Variants in TMTC2 observed in about 807,000 individuals in gnomAD.
TMTC2 encodes transmembrane O-mannosyltransferase targeting cadherins 2, also known as protein O-mannosyl-transferase TMTC2.
A neutral mutation model predicts 82.4 loss-of-function variants in TMTC2; 43 were observed. The observed-to-expected ratio is 0.52, with a 90% CI of 0.41 to 0.67. The LOEUF is 0.67. TMTC2 is among the 30% of genes least tolerant of loss of function. The probability of loss-of-function intolerance (pLI) is 0.00; values close to 1 mark genes in which losing one functional copy is unlikely to be tolerated. For synonymous variants in TMTC2, 408 were observed against 381.9 expected, an observed-to-expected ratio of 1.07 and a Z score of -0.80; for missense variants, 919 against 1,012.4, an observed-to-expected ratio of 0.91 and a Z score of 1.25.
rs1013016554 is a variant in TMTC2, at chr12:82,877,594, T to C, written c.655-18224T>C. ...CTGTCTCCTCTTTCTCCCTCTCTCA[T>C]TTCCTCCCCTTACCTGTCCCTCTTT... is the stretch of plus-strand genomic sequence containing the variant. On this transcript the variant is annotated intron_variant, in intron 2 of 11. Transcript: ENST00000321196. 3.9e-4 allele frequency among the ~76,000 whole-genome samples: 60 copies of C among 152,250 alleles called. 1 individual carries two copies. The highest frequency in any genetic ancestry group is 1.4e-3 in the African/African-American group (57 of 41,560).
At chr12:82,878,443 G>A (rs187586295) in intron 2 of TMTC2, among the ~76,000 whole-genome samples, 5 of 152,320 alleles carry the variant, frequency 3.3e-5, no homozygotes, top group South Asian at 2.1e-4. Flanking sequence ...CTGAATTGTT[G>A]TTGCAAGTCT....
At chr12:83,033,284 A>G (rs865865189) in intron 9 of TMTC2, among the ~76,000 whole-genome samples, 3 of 152,200 alleles carry the variant, frequency 2.0e-5, no homozygotes, top group Non-Finnish European at 4.4e-5. Flanking sequence ...AGAGGGATCT[A>G]TTTCAAAGGA....
chr12:82,856,951 A>G, intron 1 of TMTC2, 59 bp from the exon 2 acceptor site: 1 of 1,482,164 alleles, frequency 6.7e-7, no homozygotes, highest in Non-Finnish European at 9.1e-7. Context: ...TATCAATGTC[A>G]TATTTTTTCT....
At chr12:82,918,914 C>T (rs964469283) in intron 3 of TMTC2, among the ~76,000 whole-genome samples, 8 of 152,014 alleles carry the variant, frequency 5.3e-5, no homozygotes, top group East Asian at 3.9e-4. Context: ...CCTGCCACCA[C>T]GCCTGGCTAA....
chr12:83,101,443 G>A (rs1884211311), intron 11 of TMTC2, among the ~76,000 whole-genome samples: 1 of 152,154 alleles, frequency 6.6e-6, no homozygotes. Context: ...GCATCTCTCA[G>A]TAACTCTGTC....
At chr12:82,781,506 C>T (rs1374122768) in intron 1 of TMTC2, among the ~76,000 whole-genome samples, 2 of 150,704 alleles carry the variant, frequency 1.3e-5, no homozygotes, top group South Asian at 2.1e-4. Context: ...GGGAGAAAAC[C>T]GCTGTCCATC....
At chr12:82,726,756 G>A (rs1170015389) in intron 1 of TMTC2, among the ~76,000 whole-genome samples, 1 of 151,822 alleles carries the variant, frequency 6.6e-6, no homozygotes, top group Non-Finnish European at 1.5e-5. Flanking sequence ...GTGGGCGCCT[G>A]TAGTCCCAGC....
chr12:82,756,182 T>C (rs1398191018), intron 1 of TMTC2, among the ~76,000 whole-genome samples: 1 of 152,232 alleles, frequency 6.6e-6, no homozygotes. Flanking sequence ...CTTCTTGAGT[T>C]GGATACTTAG....
In TMTC2 at chr12:82,919,229, A is replaced by G. The variant is rs540041258; in HGVS notation, c.1484-11202A>G. On this transcript the variant is annotated intron_variant, in intron 3 of 11. Coordinates refer to ENST00000321196, the MANE Select transcript of TMTC2 (RefSeq NM_152588.3). ...AGCATGAGGGGCTGGGCTTGCTTTT[A>G]TAACAGTTCACTCTAGTGAAAACTG... Among the ~76,000 whole-genome samples the G allele has an allele frequency of 6.6e-5, 10 of 152,332 alleles. No homozygotes were observed. The East Asian group carries it at 1.7e-3, about 26-fold the overall frequency.
chr12:82,705,483 T>G (rs932204919), intron 1 of TMTC2, among the ~76,000 whole-genome samples: 9 of 152,190 alleles, frequency 5.9e-5, no homozygotes, highest in African/African-American at 1.4e-4. Flanking sequence ...CCAGAAGTAA[T>G]GGAAGGAAAG....
At chr12:82,750,775 T>C (rs1372697615) in intron 1 of TMTC2, among the ~76,000 whole-genome samples, 2 of 152,182 alleles carry the variant, frequency 1.3e-5, no homozygotes, top group African/African-American at 2.4e-5. Flanking sequence ...GAATATAAGC[T>C]GTATGAGTGT....
At chr12:83,029,938 G>A (rs956513047) in intron 8 of TMTC2, among the ~76,000 whole-genome samples, 2 of 152,178 alleles carry the variant, frequency 1.3e-5, no homozygotes, top group Non-Finnish European at 2.9e-5. Context: ...CAAAGAAAGT[G>A]ACCTAGCTTT....
At chr12:82,944,294 T>C (rs1876872962) in intron 4 of TMTC2, among the ~76,000 whole-genome samples, 1 of 151,496 alleles carries the variant, frequency 6.6e-6, no homozygotes, top group South Asian at 2.1e-4. Context: ...ATAGAAAAAA[T>C]AGAACCCTGG....
intron 11 of TMTC2, among the ~76,000 whole-genome samples, chr12:83,096,135 T>C (rs941198096): frequency 6.6e-6 from 1 of 152,270 alleles, no homozygotes; most frequent in Non-Finnish European, 1.5e-5. Flanking sequence ...AGTTTGTTTA[T>C]AATTTCTAGA....
At chr12:82,735,976 CACA>C (rs1263855748) in intron 1 of TMTC2, among the ~76,000 whole-genome samples, 1 of 117,570 alleles carries the variant, frequency 8.5e-6, no homozygotes, top group Non-Finnish European at 2.1e-5. Context: ...CCGTCACACA[CACA>C]CACACACACA....
At chr12:83,068,883 C>T (rs1210326606) in intron 11 of TMTC2, among the ~76,000 whole-genome samples, 1 of 152,032 alleles carries the variant, frequency 6.6e-6, no homozygotes, top group African/African-American at 2.4e-5. Context: ...CACAAGTTCC[C>T]AAGGTCCATT....
intron 2 of TMTC2, among the ~76,000 whole-genome samples, chr12:82,881,535 C>G (rs1196273284): frequency 6.6e-6 from 1 of 152,144 alleles, no homozygotes; most frequent in East Asian, 1.9e-4. Flanking sequence ...TTGCTTTTGG[C>G]AAGAAGACGT....
At chr12:83,118,976 G>A (rs904089011) in intron 11 of TMTC2, among the ~76,000 whole-genome samples, 2 of 152,034 alleles carry the variant, frequency 1.3e-5, no homozygotes, top group Middle Eastern at 3.2e-3. Context: ...ATGATCTTTT[G>A]TATTTCTGTA....
chr12:83,082,170 G>A (rs1323096248), intron 11 of TMTC2, among the ~76,000 whole-genome samples: 1 of 152,220 alleles, frequency 6.6e-6, no homozygotes, highest in Non-Finnish European at 1.5e-5. Context: ...AGAAACTATA[G>A]CTTGAAGATG....
Sources: gnomAD v4.1 joint callset for allele counts (sites outside exome capture counted in the v4.1 genomes callset) on GRCh38, gnomAD v4.1.1 for gene constraint, MANE v1.5 for transcripts, NCBI Gene and HGNC (gene_info 2026-07-23, HGNC 2026-07-21) for gene names.